PCDH15: variants seen among roughly 807,000 people sequenced by gnomAD.
PCDH15 encodes the protein protocadherin-15.
A neutral mutation model predicts 178.5 loss-of-function variants in PCDH15; 129 were observed. That is an observed-to-expected ratio of 0.72 (90% CI 0.63 to 0.84). PCDH15 has a LOEUF of 0.84. PCDH15 is among the 40% of genes least tolerant of loss of function. The pLI is 0.00. For missense variants in PCDH15, 2,230 were observed against 2,099.9 expected (o/e 1.06, Z -1.21); for synonymous variants, 800 against 732.0 (o/e 1.09, Z -1.50).
intron 2 of PCDH15, among the ~76,000 whole-genome samples, chr10:55,551,748 A>T (rs575665725): frequency 6.6e-6 from 1 of 151,872 alleles, no homozygotes; most frequent in Admixed American, 6.6e-5. Context: ...ATTATTATTT[A>T]TAATTTTTAG....
chr10:54,530,639 A>C (rs1309348561), intron 2 of PCDH15, among the ~76,000 whole-genome samples: 4 of 152,156 alleles, frequency 2.6e-5, no homozygotes, highest in Admixed American at 2.0e-4. Context: ...TCAATAGCAG[A>C]AACAGCCCAG....
intron 8 of PCDH15, among the ~76,000 whole-genome samples, chr10:54,258,036 T>A (rs1347179657): frequency 6.6e-6 from 1 of 152,106 alleles, no homozygotes; most frequent in South Asian, 2.1e-4. Context: ...ATGTTTAACA[T>A]GTAAAAGATA....
intron 1 of PCDH15, among the ~76,000 whole-genome samples, chr10:55,281,937 T>C (rs1842744244): frequency 6.6e-6 from 1 of 152,170 alleles, no homozygotes; most frequent in Non-Finnish European, 1.5e-5. Context: ...TCTACACTTC[T>C]TCTCAGAAAC....
intron 10 of PCDH15, among the ~76,000 whole-genome samples, chr10:54,200,760 G>C (rs1374029432): frequency 6.6e-6 from 1 of 151,812 alleles, no homozygotes; most frequent in Non-Finnish European, 1.5e-5. Flanking sequence ...TCTCATTCTC[G>C]TTTGGTGGTT....
chr10:54,299,126 G>A (rs879441666), intron 8 of PCDH15, among the ~76,000 whole-genome samples: 5 of 151,816 alleles, frequency 3.3e-5, no homozygotes, highest in Non-Finnish European at 5.9e-5. Context: ...CAGAGGCAGG[G>A]AAAGACCAGC....
At chr10:55,074,532 T>G (rs1841832279) in intron 2 of PCDH15, among the ~76,000 whole-genome samples, 1 of 152,202 alleles carries the variant, frequency 6.6e-6, no homozygotes, top group Non-Finnish European at 1.5e-5. Context: ...TGTCTGTTCA[T>G]GTCCTTTGAT....
At chr10:54,374,366 G>T (rs576413913) in intron 4 of PCDH15, among the ~76,000 whole-genome samples, 2 of 152,050 alleles carry the variant, frequency 1.3e-5, no homozygotes, top group Admixed American at 6.6e-5. Flanking sequence ...AATTTCTCTC[G>T]TTTCAAAAGC....
intron 1 of PCDH15, among the ~76,000 whole-genome samples, chr10:54,782,335 A>G (rs1026400275): frequency 1.3e-5 from 2 of 152,162 alleles, no homozygotes; most frequent in Admixed American, 1.3e-4. Context: ...TGTGAGCCTC[A>G]GTTTCTATAT....
intron 2 of PCDH15, among the ~76,000 whole-genome samples, chr10:55,449,366 G>A (rs1004374334): frequency 6.6e-6 from 1 of 151,890 alleles, no homozygotes; most frequent in African/African-American, 2.4e-5. Flanking sequence ...AACCTAAGCT[G>A]GACAGAATTT....
intron 2 of PCDH15, among the ~76,000 whole-genome samples, chr10:55,027,925 G>C (rs1164943855): frequency 1.3e-5 from 2 of 151,540 alleles, no homozygotes; most frequent in Admixed American, 6.6e-5. Flanking sequence ...GTTAAGTATT[G>C]GGGAGGAAAA....
At position 55,031,903 on chromosome 10, in the gene PCDH15, A is replaced by G. The variant is rs188419126; in HGVS notation, c.-79-134403T>C. ...AATTACCCAGTCTGTACACACACAC[A>G]CAAATGAACTAAGACAGAAATTGAT... On this transcript the variant is annotated intron_variant, in intron 2 of 5. Coordinates refer to the PCDH15 transcript ENST00000458638. 2.6e-5 allele frequency among the ~76,000 whole-genome samples: 4 copies of G among 152,320 alleles called. No individual in the cohort carries two copies. In the East Asian group the frequency reaches 7.7e-4, roughly 29 times the overall value.
chr10:55,281,930 A>G (rs1842743954), intron 1 of PCDH15, among the ~76,000 whole-genome samples: 1 of 152,178 alleles, frequency 6.6e-6, no homozygotes, highest in Non-Finnish European at 1.5e-5. Flanking sequence ...AAAAAAGTCT[A>G]CACTTCTTCT....
Position 53,806,641 on chromosome 10 carries a change from C to T in PCDH15, c.5161G>A (p.Asp1721Asn). Residue 1721 changes from aspartate to asparagine, a missense_variant, in exon 38 of 38, where the codon GAT becomes AAT. Coordinates refer to ENST00000644397, the MANE Select transcript of PCDH15 (RefSeq NM_001384140.1). ...GGGCCCATCCAAAGCTCTTCATCAT[C>T]AGACTGTGTGTGGTCACTATGAAAT... ...LEFHSDHTQS[D>N]DEELWMGPWN... The T allele has an allele frequency of 6.2e-7, 1 of 1,613,748 alleles. No individual in the cohort carries two copies. Among genetic ancestry groups the T allele is most frequent in the Non-Finnish European group, 8.5e-7 (1 of 1,179,750 alleles).
chr10:54,660,295 T>C (rs911171248), intron 2 of PCDH15, among the ~76,000 whole-genome samples: 9 of 152,098 alleles, frequency 5.9e-5, no homozygotes, highest in African/African-American at 2.2e-4. Context: ...CAGAGTAGTC[T>C]ATGTAAATTC....
chr10:55,516,167 G>A (rs754047155), intron 2 of PCDH15, among the ~76,000 whole-genome samples: 9 of 152,060 alleles, frequency 5.9e-5, no homozygotes, highest in Non-Finnish European at 1.0e-4. Flanking sequence ...GGAGGGACCC[G>A]GTGGGAGATA....
chr10:54,643,971 C>T (rs1235736945), intron 2 of PCDH15, among the ~76,000 whole-genome samples: 1 of 92,028 alleles, frequency 1.1e-5, no homozygotes. Flanking sequence ...CTCCCCCCTC[C>T]CCCCACCCCA....
chr10:55,064,392 C>G (rs147324021), intron 2 of PCDH15, among the ~76,000 whole-genome samples: 148 of 152,222 alleles, frequency 9.7e-4, no homozygotes, highest in African/African-American at 3.4e-3. Flanking sequence ...TTCCTTTCAG[C>G]CATGGTAGTG....
intron 21 of PCDH15, among the ~76,000 whole-genome samples, chr10:53,992,044 C>T (rs186913367): frequency 3.9e-5 from 6 of 151,956 alleles, no homozygotes; most frequent in African/African-American, 1.5e-4. Flanking sequence ...TCCATACTGC[C>T]TTTATGAGCT....
chr10:54,759,448 T>C (rs2133117090), intron 1 of PCDH15, among the ~76,000 whole-genome samples: 1 of 152,320 alleles, frequency 6.6e-6, no homozygotes. Context: ...ATATAAATCC[T>C]AAATAAATTT....
Sources: gnomAD v4.1 joint callset for allele counts (sites outside exome capture counted in the v4.1 genomes callset) on GRCh38, gnomAD v4.1.1 for gene constraint, MANE v1.5 for transcripts, NCBI Gene and HGNC (gene_info 2026-07-23, HGNC 2026-07-21) for gene names.